DDX49: variants seen among roughly 807,000 people sequenced by gnomAD.
The protein encoded by DDX49 is DEAD-box helicase 49, also known as probable ATP-dependent RNA helicase DDX49.
DDX49 carries 50 observed loss-of-function variants against 56.3 expected under a neutral mutation model. That is an observed-to-expected ratio of 0.89 (90% CI 0.71 to 1.12). The LOEUF is 1.12. DDX49 is among the 50% of genes most tolerant of loss of function. DDX49 has a pLI of 0.00. For missense variants in DDX49, 614 were observed against 650.5 expected (o/e 0.94, Z 0.61); for synonymous variants, 269 against 270.6 (o/e 0.99, Z 0.06).
rs553532926 is a variant in DDX49, at chr19:18,927,705, A to G, written c.1103-61A>G. ...GCATGGGGAACTCACTACTTGGCTG[A>G]ACTCCCTCTCCATGTCACGTCTCCT... On this transcript the variant is annotated intron_variant, in intron 10 of 12. Coordinates refer to ENST00000247003, the MANE Select transcript of DDX49 (RefSeq NM_019070.5). The G allele has an allele frequency of 3.3e-4, 491 of 1,469,954 alleles. 1 individual carries two copies. Among genetic ancestry groups the G allele is most frequent in the Non-Finnish European group, 4.0e-5 (42 of 1,053,012 alleles). 91.1% of individuals were successfully genotyped at this position (1,469,954 alleles called of 1,614,324 possible). A position where few individuals can be genotyped will look rare whatever the true frequency, so the allele number is the denominator to read the frequency against.
At chr19:18,919,943 C>T in intron 1 of DDX49, 87 bp downstream of exon 1, 1 of 1,079,904 alleles carries the variant, frequency 9.3e-7, no homozygotes, top group South Asian at 1.7e-5. Flanking sequence ...TATTCCGGTC[C>T]CACGAGGCGA....
chr19:18,926,879 C>T (rs866055416), intron 10 of DDX49, among the ~76,000 whole-genome samples: 9 of 151,294 alleles, frequency 5.9e-5, no homozygotes, highest in Admixed American at 1.3e-4. Context: ...TCAAGACCAA[C>T]CTGGGCAACA....
In DDX49 at chr19:18,928,149, C is replaced by T. The variant is rs749488327; in HGVS notation, c.1285C>T (p.Arg429Cys). 3.1e-6 allele frequency: 5 copies of T among 1,602,050 alleles called. No individual in the cohort carries two copies. Among genetic ancestry groups the T allele is most frequent in the African/African-American group, 1.3e-5 (1 of 74,550 alleles). The stretch of plus-strand genomic sequence containing the variant: ...CCAGGACCCTGACCTGGAGGCCAAG[C>T]GCAAGGCTGAGCTGGCCAAGATCAA... ...EGKDPDLEAK[R>C]KAELAKIKQK... The change falls in exon 13 of 13, where the codon CGC becomes TGC. Residue 429 changes from arginine (R) to cysteine (C), a missense_variant. Physicochemically the swap from Arg to Cys is radical, Grantham distance 180. Coordinates refer to ENST00000247003, the MANE Select transcript of DDX49 (RefSeq NM_019070.5).
Position 18,926,387 on chromosome 19 carries a change from G to A in DDX49, c.1102+10G>A. On this transcript the variant is annotated intron_variant, in intron 10 of 12. Coordinates refer to ENST00000247003, the MANE Select transcript of DDX49 (RefSeq NM_019070.5). ...ATCGAGGAGCAGATCAGTGAGTGGG[G>A]TTGGGGTGGGTGGTAGAGAAGGAGG... The A allele has an allele frequency of 9.9e-7, 1 of 1,011,814 alleles. No homozygotes were observed. Among genetic ancestry groups the A allele is most frequent in the Non-Finnish European group, 1.4e-6 (1 of 726,778 alleles). The allele number at this position is 1,011,814 out of a possible 1,614,324, so 62.7% of individuals were successfully genotyped here.
intron 4 of DDX49, 56 bp from the exon 5 acceptor site, chr19:18,922,270 G>A (rs2145099407): frequency 6.4e-7 from 1 of 1,569,914 alleles, no homozygotes; most frequent in African/African-American, 1.3e-5. Context: ...TTCAGGGGTG[G>A]CCAAGACCCG....
chr19:18,926,536 T>A (rs1568331229), intron 10 of DDX49, among the ~76,000 whole-genome samples, 159 bp downstream of exon 10: 1 of 152,098 alleles, frequency 6.6e-6, no homozygotes, highest in Non-Finnish European at 1.5e-5. Flanking sequence ...CAAAAGAAGT[T>A]CTTTTGCCCA....
At chr19:18,921,781 C>G (rs2056919304) in intron 3 of DDX49, 33 bp downstream of exon 3, 2 of 1,614,114 alleles carry the variant, frequency 1.2e-6, no homozygotes, top group Non-Finnish European at 1.7e-6. Context: ...GAAGCCCCAG[C>G]ATGGGACCCT....
Position 18,928,123 on chromosome 19 carries a change from G to A in DDX49, c.1264-5G>A, listed in dbSNP as rs940100952. The A allele has an allele frequency of 5.6e-6, 9 of 1,610,422 alleles. No homozygotes were observed. The highest frequency in any genetic ancestry group is 4.4e-5 in the South Asian group (4 of 90,846). On this transcript the variant is annotated splice_polypyrimidine_tract_variant and splice_region_variant and intron_variant, in intron 12 of 12. Coordinates refer to ENST00000247003, the MANE Select transcript of DDX49 (RefSeq NM_019070.5). ...TCAGCCATCCCCTGGTCCTCCCTGT[G>A]CCAGGACCCTGACCTGGAGGCCAAG...
At position 18,919,827 on chromosome 19, in the gene DDX49, A is replaced by C; in HGVS notation, c.86A>C (p.Gln29Pro). The C allele has an allele frequency of 6.2e-7, 1 of 1,604,978 alleles. No individual in the cohort carries two copies. Among genetic ancestry groups the C allele is most frequent in the Non-Finnish European group, 8.5e-7 (1 of 1,172,936 alleles). ...QLGLKQPTPV[Q>P]LGCIPAILEG... ...GGTTTGAAGCAGCCCACGCCCGTGC[A>C]GCTCGGCTGCATCCCCGCCATCCTG... is the stretch of plus-strand genomic sequence containing the variant. The change falls in exon 1 of 13, where the codon CAG becomes CCG. Residue 29 changes from glutamine to proline, a missense_variant. Gln to Pro is a moderately conservative substitution (Grantham distance 76). Transcript: ENST00000247003.
chr19:18,922,736 C>T lies in DDX49; in HGVS notation c.768C>T (p.Asn256=). The change falls in exon 6 of 13, where the codon AAC becomes AAT. Residue 256 remains asparagine (N), a synonymous_variant. Transcript: ENST00000247003. ...HEDWSIIIFT[N]TCKTCQILCM... is the part of the protein sequence containing the mutation. ...ACTGGTCCATTATCATCTTCACCAA[C>T]ACGTGCAAGTGAGCGGGGCCCGCCT... is the stretch of plus-strand genomic sequence containing the variant. 1 of 1,612,532 alleles carries T rather than the reference C, an allele frequency of 6.2e-7. No individual in the cohort carries two copies.
chr19:18,928,505 T>G lies in DDX49; in HGVS notation c.*189T>G. 5.0e-6 allele frequency: 3 copies of G among 595,086 alleles called. No individual in the cohort carries two copies. The South Asian group carries it at 7.0e-5, about 14-fold the overall frequency. The allele number at this position is 595,086 out of a possible 1,614,324, so 36.9% of individuals were successfully genotyped here. ...ACTGGCTGGTCCCTTCCCTGAGCCC[T>G]GGCCAAGATTCAGGCTGCAGGGGAA... On this transcript the variant is annotated 3_prime_UTR_variant, in exon 13 of 13. Transcript: ENST00000247003.
chr19:18,922,583 G>A (rs756201423), intron 5 of DDX49, 21 bp from the exon 6 acceptor site: 28 of 1,604,688 alleles, frequency 1.7e-5, no homozygotes, highest in Middle Eastern at 1.6e-4. Flanking sequence ...GAGGCGTGGC[G>A]GTCTATCTGT....
rs1233702498 is a variant in DDX49 at position 18,926,357 on chromosome 19, A to C, written c.1082A>C (p.His361Pro). The C allele has an allele frequency of 7.6e-7, 1 of 1,315,712 alleles. No homozygotes were observed. Among genetic ancestry groups the C allele is most frequent in the African/African-American group, 1.6e-5 (1 of 63,898 alleles). 81.5% of individuals were successfully genotyped at this position (1,315,712 alleles called of 1,614,324 possible). A position where few individuals can be genotyped will look rare whatever the true frequency, so the allele number is the denominator to read the frequency against. Residue 361 changes from histidine (H) to proline (P), a missense_variant, in exon 10 of 13, where the codon CAC (histidine) becomes CCC (proline). Transcript: ENST00000247003. ...LVTQYDIHLVHAIEEQIKKKL... is the reference protein window; with the variant it reads ...LVTQYDIHLVPAIEEQIKKKL... ...ACACAGTACGACATCCACCTGGTGC[A>C]CGCCATCGAGGAGCAGATCAGTGAG...
chr19:18,919,916 T>G, intron 1 of DDX49, 60 bp downstream of exon 1: 1 of 1,312,136 alleles, frequency 7.6e-7, no homozygotes, highest in Non-Finnish European at 1.0e-6. Context: ...CTCCTTTCCC[T>G]TCTCGCAACC....
At chr19:18,919,889 C>T in intron 1 of DDX49, 33 bp downstream of exon 1, 2 of 1,457,220 alleles carry the variant, frequency 1.4e-6, no homozygotes, top group Non-Finnish European at 1.9e-6. Context: ...CCCAAGAGGC[C>T]TCTCCGCTCC....
In DDX49 at chr19:18,928,027, G is replaced by A. The variant is rs2056977314; in HGVS notation, c.1254G>A (p.Leu418=). Residue 418 remains leucine, a synonymous_variant, in exon 12 of 13, where the codon CTG becomes CTA. Transcript: ENST00000247003. The part of the protein sequence containing the change: ...KEINKRKQLI[L]EGKDPDLEAK... ...TCAACAAACGGAAGCAGCTGATCCT[G>A]GAGGGGAAGGTGAGGGCCGAGCCCG... 4 of 1,613,900 alleles carry A rather than the reference G, an allele frequency of 2.5e-6. No homozygotes were observed. The highest frequency in any genetic ancestry group is 3.3e-4 in the Middle Eastern group (2 of 6,062).
At chr19:18,925,115 T>G in intron 9 of DDX49, 136 bp downstream of exon 9, 1 of 1,218,656 alleles carries the variant, frequency 8.2e-7, no homozygotes, top group East Asian at 2.6e-5. Context: ...AGTTGGGGAG[T>G]TGTCCTTTCT....
At chr19:18,919,926 C>G (rs1166500191) in intron 1 of DDX49, 70 bp downstream of exon 1, 3 of 1,252,894 alleles carry the variant, frequency 2.4e-6, no homozygotes, top group Non-Finnish European at 3.3e-6. Context: ...TTCTCGCAAC[C>G]TTTGCTTATT....
intron 10 of DDX49, 36 bp downstream of exon 10, chr19:18,926,413 G>A: frequency 7.2e-7 from 1 of 1,393,940 alleles, no homozygotes; most frequent in East Asian, 2.5e-5. Flanking sequence ...GAGAAGGAGG[G>A]GTGGGGTGGG....
Sources: allele counts gnomAD v4.1 joint callset (sites outside exome capture counted in the v4.1 genomes callset), GRCh38; gene constraint gnomAD v4.1.1; transcripts MANE v1.5; gene names NCBI Gene and HGNC (gene_info 2026-07-23, HGNC 2026-07-21).